Variants in TMC4 observed in about 807,000 individuals in gnomAD.
The protein encoded by TMC4 is voltage-gated chloride channel TMC4.
TMC4 carries 70 observed loss-of-function variants against 82.0 expected under a neutral mutation model. That is an observed-to-expected ratio of 0.85 (90% confidence interval 0.70 to 1.04). TMC4 has a LOEUF of 1.04. Among genes scored for constraint, TMC4 ranks in the 50% least tolerant of loss-of-function variants. The pLI is 0.00. For synonymous variants in TMC4, 446 were observed against 406.0 expected, an observed-to-expected ratio of 1.10 and a Z score of -1.18; for missense variants, 879 against 899.0, an observed-to-expected ratio of 0.98 and a Z score of 0.28.
rs770253879 is a variant in TMC4 at position 54,165,526 on chromosome 19, C to T, written c.838G>A (p.Glu280Lys). 3.4e-5 allele frequency: 55 copies of T among 1,611,404 alleles called. No individual in the cohort carries two copies. Among genetic ancestry groups the T allele is most frequent in the Middle Eastern group, 1.6e-4 (1 of 6,064 alleles). Residue 280 changes from glutamate to lysine, a missense_variant, in exon 6 of 15, where the codon GAG becomes AAG. Physicochemically the swap from Glu to Lys is moderately conservative, Grantham distance 56 (BLOSUM62 1). Coordinates refer to ENST00000619895, the MANE Select transcript of TMC4 (RefSeq NM_144686.4). ...GLKQTLLAES[E>K]ALTSYSHRVF... is the part of the protein sequence containing the mutation. Reference sequence around the variant, plus strand: ...CGGTGGCTGTAGCTGGTCAGAGCCTCGGACTCCGCCAGCAGTGTCTGCTTC... The same window carrying T: ...CGGTGGCTGTAGCTGGTCAGAGCCTTGGACTCCGCCAGCAGTGTCTGCTTC...
At chr19:54,165,867 C>T (rs1568734677) in intron 5 of TMC4, among the ~76,000 whole-genome samples, 1 of 152,016 alleles carries the variant, frequency 6.6e-6, no homozygotes, top group Non-Finnish European at 1.5e-5. Flanking sequence ...GTGAGAGAAA[C>T]AGAGGCCCTG....
At chr19:54,163,217 C>G in intron 8 of TMC4, 58 bp from the exon 9 acceptor site, 1 of 1,603,652 alleles carries the variant, frequency 6.2e-7, no homozygotes, top group South Asian at 1.1e-5. Context: ...GTGGCAGTTC[C>G]CTTCTCAGTG....
chr19:54,167,987 C>T (rs147524384), intron 5 of TMC4, among the ~76,000 whole-genome samples, 184 bp downstream of exon 5: 607 of 151,276 alleles, frequency 4.0e-3, no homozygotes, highest in Non-Finnish European at 6.6e-3. Flanking sequence ...CGCTTGAAAC[C>T]GGAAGGCGGA....
chr19:54,160,762 C>A, intron 13 of TMC4, 116 bp downstream of exon 13: 1 of 1,448,778 alleles, frequency 6.9e-7, no homozygotes, highest in African/African-American at 1.4e-5. Context: ...GGCCTCCTCC[C>A]TCAGACTCAG....
chr19:54,168,891 C>CT (rs1198322520), intron 3 of TMC4, among the ~76,000 whole-genome samples: 3 of 23,388 alleles, frequency 1.3e-4, no homozygotes, highest in South Asian at 1.2e-3. Flanking sequence ...TCTTTTCTTT[C>CT]TTTCCTTTCT....
rs1272821741 is a variant in TMC4 at position 54,171,984 on chromosome 19, T to C, written c.179A>G (p.Glu60Gly). 3 of 1,613,130 alleles carry C rather than the reference T, an allele frequency of 1.9e-6. No homozygotes were observed. Reference sequence around the variant, plus strand: ...CTTTCTGCTCCTTCCTCCATCCTCCTCCTCCTCCTCCAGCGCCCCCCAAGG... The same window carrying C: ...CTTTCTGCTCCTTCCTCCATCCTCCCCCTCCTCCTCCAGCGCCCCCCAAGG... ...VLPWGALEEEEEDGGRSRKAF... is the reference protein window; with the variant it reads ...VLPWGALEEEGEDGGRSRKAF... The change falls in exon 2 of 15, where the codon GAG becomes GGG. Residue 60 changes from glutamate (E) to glycine (G), a missense_variant. Glu to Gly is a moderately conservative substitution (Grantham distance 98). Transcript: ENST00000619895.
intron 2 of TMC4, among the ~76,000 whole-genome samples, chr19:54,171,072 C>CAT (rs1035778757): frequency 4.0e-5 from 2 of 50,244 alleles, no homozygotes; most frequent in East Asian, 1.4e-3. Flanking sequence ...CATATATATA[C>CAT]ATATATATGT....
chr19:54,165,435 A>T lies in TMC4; in HGVS notation c.929T>A (p.Ile310Asn). 2 of 1,608,472 alleles carry T rather than the reference A, an allele frequency of 1.2e-6. No individual in the cohort carries two copies. Among genetic ancestry groups the T allele is most frequent in the Non-Finnish European group, 8.5e-7 (1 of 1,176,038 alleles). The change falls in exon 6 of 15, where the codon ATC becomes AAC. Residue 310 changes from isoleucine to asparagine, a missense_variant. By Grantham distance (149) the Ile-to-Asn change is moderately radical. Coordinates refer to ENST00000619895, the MANE Select transcript of TMC4 (RefSeq NM_144686.4). The part of the protein sequence containing the change: ...DVHVRLRQRI[I>N]LYELKVELEE... ...TAATCGCACCTTTAATTCGTACAAGATGATGCGCTGGCGCAGCCGCACGTG... is the reference window on the plus strand; with the variant it reads ...TAATCGCACCTTTAATTCGTACAAGTTGATGCGCTGGCGCAGCCGCACGTG...
intron 9 of TMC4, 36 bp from the exon 10 acceptor site, chr19:54,162,806 G>A: frequency 6.3e-7 from 1 of 1,594,896 alleles, no homozygotes; most frequent in South Asian, 1.1e-5. Flanking sequence ...AAGAACTCGG[G>A]ACCCGGGCAC....
At chr19:54,171,021 G>C (rs529888952) in intron 2 of TMC4, among the ~76,000 whole-genome samples, 1 of 139,398 alleles carries the variant, frequency 7.2e-6, no homozygotes, top group Non-Finnish European at 1.6e-5. Flanking sequence ...TGGGAGTGTT[G>C]ATACATTGTT....
chr19:54,171,780 G>T, intron 2 of TMC4, 90 bp downstream of exon 2: 1 of 1,225,676 alleles, frequency 8.2e-7, no homozygotes. Flanking sequence ...GCCAGGAGCG[G>T]CAGAGGACAG....
intron 11 of TMC4, among the ~76,000 whole-genome samples, 177 bp downstream of exon 11, chr19:54,161,925 G>C (rs956811054): frequency 6.6e-6 from 1 of 152,034 alleles, no homozygotes; most frequent in Admixed American, 6.6e-5. Flanking sequence ...CAGATCCTCA[G>C]ACATATAAGT....
chr19:54,168,594 A>G lies in TMC4; in HGVS notation c.529T>C (p.Cys177Arg), dbSNP rs750009604. 7 of 1,594,422 alleles carry G rather than the reference A, an allele frequency of 4.4e-6. No individual in the cohort carries two copies. The highest frequency in any genetic ancestry group is 6.0e-6 in the Non-Finnish European group (7 of 1,170,990). The change falls in exon 4 of 15, where the codon TGC becomes CGC. Residue 177 changes from cysteine (C) to arginine (R), a missense_variant. By Grantham distance (180) the Cys-to-Arg change is radical. Coordinates refer to ENST00000619895, the MANE Select transcript of TMC4 (RefSeq NM_144686.4). ...AACCAGGTGGGCAGCAGCGTCATGC[A>G]GGCCATGAGCACAGAGGCCAGCACG... ...LNVLASVLMA[C>R]MTLLPTWLGG... is the part of the protein sequence containing the mutation.
chr19:54,163,647 T>G (rs766652486), intron 8 of TMC4, 77 bp downstream of exon 8: 36 of 1,540,132 alleles, frequency 2.3e-5, no homozygotes, highest in Non-Finnish European at 3.2e-5. Flanking sequence ...GATTTCCGTG[T>G]CTTACCTGTC....
chr19:54,162,798 G>T, intron 9 of TMC4, 28 bp from the exon 10 acceptor site: 1 of 1,604,746 alleles, frequency 6.2e-7, no homozygotes, highest in Middle Eastern at 1.7e-4. Context: ...ATATCAGAAA[G>T]AACTCGGGAC....
intron 2 of TMC4, among the ~76,000 whole-genome samples, 183 bp downstream of exon 2, chr19:54,171,686 TG>T (rs2075892309): frequency 6.6e-6 from 1 of 152,094 alleles, no homozygotes; most frequent in Non-Finnish European, 1.5e-5. Context: ...AGCACTCACC[TG>T]GAGTCCGAAG....
At chr19:54,161,997 C>G in intron 11 of TMC4, 105 bp downstream of exon 11, 1 of 1,029,874 alleles carries the variant, frequency 9.7e-7, no homozygotes, top group Non-Finnish European at 1.4e-6. Flanking sequence ...CCTCCTCTCT[C>G]AGGACCGAGT....
chr19:54,160,867 G>T lies in TMC4; in HGVS notation c.1973+11C>A, dbSNP rs751459800. ...ATTCAAACCCAGACCCAGAAGTCTG[G>T]GCCGTCTCACCTGGAGATCAGCAGA... is the stretch of plus-strand genomic sequence containing the variant. On this transcript the variant is annotated intron_variant, in intron 13 of 14. Coordinates refer to ENST00000619895, the MANE Select transcript of TMC4 (RefSeq NM_144686.4). 4 of 1,613,584 alleles carry T rather than the reference G, an allele frequency of 2.5e-6. No homozygotes were observed. Among genetic ancestry groups the T allele is most frequent in the Non-Finnish European group, 3.4e-6 (4 of 1,179,834 alleles).
chr19:54,164,823 T>C, intron 6 of TMC4: 1 of 604,146 alleles, frequency 1.7e-6, no homozygotes, highest in Non-Finnish European at 2.9e-6. Context: ...CAAGCCCCCA[T>C]CCCTCCGCGG....
Sources: allele counts gnomAD v4.1 joint callset (sites outside exome capture counted in the v4.1 genomes callset), GRCh38; gene constraint gnomAD v4.1.1; transcripts MANE v1.5; gene names NCBI Gene and HGNC (gene_info 2026-07-23, HGNC 2026-07-21).